HEPACAM2: variants seen among roughly 807,000 people sequenced by gnomAD.
The protein encoded by HEPACAM2 is mitotic kinetics regulator.
Under a neutral mutation model 49.6 loss-of-function variants are expected in HEPACAM2, and 49 were observed. The ratio of observed to expected loss-of-function variants is 0.99; its 90% CI spans 0.78 to 1.25. The LOEUF is 1.25. HEPACAM2 is among the 50% of genes most tolerant of loss of function. The pLI, the probability that HEPACAM2 is intolerant of heterozygous loss-of-function variation, is 0.00. For missense variants in HEPACAM2, 525 were observed against 557.2 expected, an observed-to-expected ratio of 0.94 and a Z score of 0.58; for synonymous variants, 197 against 202.9, an observed-to-expected ratio of 0.97 and a Z score of 0.25.
rs1488011853 is a variant in HEPACAM2 at position 93,219,519 on chromosome 7, A to G, written c.80-68T>C. On this transcript the variant is annotated intron_variant, in intron 1 of 9. Coordinates refer to ENST00000394468, the MANE Select transcript of HEPACAM2 (RefSeq NM_001039372.4). ...TTTCACAATCTAAAGGGGCAAATGC[A>G]GAGAGAACCTGATCAGGTGATAATC... 1.9e-6 allele frequency: 3 copies of G among 1,601,892 alleles called. No individual in the cohort carries two copies. In the Admixed American group the frequency reaches 5.1e-5, roughly 27 times the overall value.
At chr7:93,214,326 G>A (rs1465486535) in intron 3 of HEPACAM2, among the ~76,000 whole-genome samples, 2 of 152,114 alleles carry the variant, frequency 1.3e-5, no homozygotes, top group African/African-American at 4.8e-5. Context: ...AATTAGTAAT[G>A]CAATGTTCAC....
upstream of HEPACAM2, among the ~76,000 whole-genome samples, chr7:93,228,120 T>C (rs1395467087): frequency 6.6e-6 from 1 of 152,204 alleles, no homozygotes; most frequent in African/African-American, 2.4e-5. Flanking sequence ...TTCAGTGTTT[T>C]TCAATCTAGT....
chr7:93,226,582 C>T, upstream of HEPACAM2: 1 of 648,130 alleles, frequency 1.5e-6, no homozygotes, highest in Admixed American at 2.5e-5. Flanking sequence ...AATGTGTATA[C>T]AAAGGACACA....
At chr7:93,225,700 A>G (rs753082410) in intron 1 of HEPACAM2, among the ~76,000 whole-genome samples, 1 of 152,208 alleles carries the variant, frequency 6.6e-6, no homozygotes, top group Non-Finnish European at 1.5e-5. Context: ...AATGCTGGAA[A>G]GAGACTCCTT....
chr7:93,205,798 T>C (rs1214871883), intron 4 of HEPACAM2, among the ~76,000 whole-genome samples: 1 of 152,146 alleles, frequency 6.6e-6, no homozygotes, highest in Non-Finnish European at 1.5e-5. Context: ...ATCTTGTTGC[T>C]GTTTGAGTTA....
intron 3 of HEPACAM2, among the ~76,000 whole-genome samples, chr7:93,212,242 T>C (rs528313782): frequency 6.6e-6 from 1 of 152,228 alleles, no homozygotes; most frequent in Non-Finnish European, 1.5e-5. Context: ...CTGATTATCT[T>C]ATCTTCCTTA....
At position 93,219,116 on chromosome 7, in the gene HEPACAM2, G is replaced by T. The variant is rs893207498; in HGVS notation, c.415C>A (p.Gln139Lys). The T allele has an allele frequency of 1.9e-6, 3 of 1,613,584 alleles. No homozygotes were observed. The highest frequency in any genetic ancestry group is 3.3e-5 in the Admixed American group (2 of 59,936). Residue 139 changes from glutamine to lysine, a missense_variant, in exon 2 of 10, where the codon CAA becomes AAA. Transcript: ENST00000394468. ...GGGGACTCACCATCAACCGTGACTTGTATCTTCTGACTGGCAGATAGAGTT... is the reference window on the plus strand; with the variant it reads ...GGGGACTCACCATCAACCGTGACTTTTATCTTCTGACTGGCAGATAGAGTT... ...NGTLSASQKI[Q>K]VTVDDPVTKP...
intron 4 of HEPACAM2, among the ~76,000 whole-genome samples, chr7:93,206,654 T>C (rs1187129605): frequency 1.3e-5 from 2 of 152,010 alleles, no homozygotes; most frequent in African/African-American, 2.4e-5. Flanking sequence ...AAAAATTCAG[T>C]TTCTCAGTTG....
intron 7 of HEPACAM2, 46 bp downstream of exon 7, chr7:93,197,195 A>C: frequency 7.1e-7 from 1 of 1,404,706 alleles, no homozygotes; most frequent in Non-Finnish European, 9.8e-7. Context: ...ACAACTAATT[A>C]ACATACATTA....
upstream of HEPACAM2, among the ~76,000 whole-genome samples, chr7:93,230,588 A>T (rs1794607091): frequency 6.6e-6 from 1 of 152,230 alleles, no homozygotes; most frequent in African/African-American, 2.4e-5. Flanking sequence ...CCTTGAGCGC[A>T]ACAATCAAGA....
In HEPACAM2 at chr7:93,208,658, CCA is replaced by C. The variant is rs1401871520; in HGVS notation, c.932_933del (p.Met311ArgfsTer16). The C allele has an allele frequency of 6.2e-7, 1 of 1,613,150 alleles. No homozygotes were observed. The highest frequency in any genetic ancestry group is 1.7e-5 in the Admixed American group (1 of 59,944). ...VASEKVAQKT[M>X]DYVCCAYNNI... The stretch of plus-strand genomic sequence containing the variant: ...TTGTTGTAAGCACAGCACACATAGT[CCA>C]TTGTCTTCTGGGCTACTTTCTCAGA... On this transcript the variant is annotated frameshift_variant, in exon 4 of 10. Transcript: ENST00000394468. LOFTEE classifies it high-confidence loss of function.
At chr7:93,198,590 T>C (rs968601658) in intron 4 of HEPACAM2, among the ~76,000 whole-genome samples, 7 of 152,118 alleles carry the variant, frequency 4.6e-5, no homozygotes, top group African/African-American at 1.7e-4. Context: ...CTCCAACAAA[T>C]GAAAGTAACA....
At chr7:93,202,450 T>C (rs1409151500) in intron 4 of HEPACAM2, among the ~76,000 whole-genome samples, 1 of 152,050 alleles carries the variant, frequency 6.6e-6, no homozygotes, top group Non-Finnish European at 1.5e-5. Flanking sequence ...TTTTTTTCTG[T>C]TAATCTGTGG....
At chr7:93,190,917 A>C (rs1793527760) in intron 9 of HEPACAM2, among the ~76,000 whole-genome samples, 1 of 152,002 alleles carries the variant, frequency 6.6e-6, no homozygotes, top group South Asian at 2.1e-4. Context: ...CCAAGTTGTC[A>C]TTTGGTTTGT....
chr7:93,219,282 AG>A lies in HEPACAM2; in HGVS notation c.248del (p.Ser83LeufsTer2). The A allele has an allele frequency of 6.2e-7, 1 of 1,614,036 alleles. No homozygotes were observed. Among genetic ancestry groups the A allele is most frequent in the African/African-American group, 1.3e-5 (1 of 75,040 alleles). ...AGTCAGGAACCACAGACTTATTCAC[AG>A]AGCCCAGTAAGTATTTGGGCATTGT... The part of the protein sequence containing the change: ...PHTMPKYLLG[S>X]VNKSVVPDLE... On this transcript the variant is annotated frameshift_variant, in exon 2 of 10. Coordinates refer to ENST00000394468, the MANE Select transcript of HEPACAM2 (RefSeq NM_001039372.4). LOFTEE classifies it high-confidence loss of function.
At chr7:93,221,838 C>T (rs777328314) in intron 1 of HEPACAM2, among the ~76,000 whole-genome samples, 2 of 152,110 alleles carry the variant, frequency 1.3e-5, no homozygotes, top group African/African-American at 2.4e-5. Context: ...AATGGACCTA[C>T]TTGCACACTT....
intron 1 of HEPACAM2, chr7:93,225,976 T>G: frequency 1.7e-6 from 2 of 1,154,390 alleles, no homozygotes; most frequent in Non-Finnish European, 1.2e-6. Flanking sequence ...AAAACAATTT[T>G]CGTAAATTAT....
chr7:93,189,084 T>C lies in HEPACAM2; in HGVS notation c.*183A>G, dbSNP rs960498370. ...TTTCTGTTGCACAAGACATTGTGTA[T>C]ATGCTGAAAAACCTGCAGTTCAATT... On this transcript the variant is annotated 3_prime_UTR_variant, in exon 10 of 10. Coordinates refer to ENST00000394468, the MANE Select transcript of HEPACAM2 (RefSeq NM_001039372.4). 3.8e-6 allele frequency: 2 copies of C among 525,888 alleles called. No homozygotes were observed. The highest frequency in any genetic ancestry group is 3.6e-4 in the Middle Eastern group (1 of 2,754). 32.6% of individuals were successfully genotyped at this position (525,888 alleles called of 1,614,324 possible). A position where few individuals can be genotyped will look rare whatever the true frequency, so the allele number is the denominator to read the frequency against.
chr7:93,196,000 G>T, intron 7 of HEPACAM2, 99 bp from the exon 8 acceptor site: 1 of 806,226 alleles, frequency 1.2e-6, no homozygotes, highest in Non-Finnish European at 2.1e-6. Context: ...TGTTTTAAAT[G>T]GTATAGGTAC....
Sources: allele counts gnomAD v4.1 joint callset (sites outside exome capture counted in the v4.1 genomes callset), GRCh38; gene constraint gnomAD v4.1.1; transcripts MANE v1.5; gene names NCBI Gene and HGNC (gene_info 2026-07-23, HGNC 2026-07-21).